Variants in RBMS3 observed in about 807,000 individuals in gnomAD.
The protein encoded by RBMS3 is RNA-binding motif, single-stranded-interacting protein 3.
RBMS3 carries 27 observed loss-of-function variants against 66.8 expected under a neutral mutation model. That is an observed-to-expected ratio of 0.40 (90% CI 0.30 to 0.56). The LOEUF is 0.56. Among genes scored for constraint, RBMS3 ranks in the 20% least tolerant of loss-of-function variants. The pLI is 0.40. For missense variants in RBMS3, 513 were observed against 549.5 expected, an observed-to-expected ratio of 0.93 and a Z score of 0.66; for synonymous variants, 188 against 183.0, an observed-to-expected ratio of 1.03 and a Z score of -0.22.
chr3:29,738,247 A>G (rs1002402081), intron 4 of RBMS3, among the ~76,000 whole-genome samples: 1 of 152,176 alleles, frequency 6.6e-6, no homozygotes, highest in Admixed American at 6.5e-5. Flanking sequence ...ATCTTTTCAC[A>G]AAAGATATTT....
rs557378849 is a variant in RBMS3 at position 29,871,925 on chromosome 3, C to T, written c.744+2961C>T. Among the ~76,000 whole-genome samples, 422 of 152,174 alleles carry T rather than the reference C, an allele frequency of 2.8e-3. 6 individuals are homozygous for T. Among genetic ancestry groups the T allele is most frequent in the African/African-American group, 9.4e-3 (392 of 41,520 alleles). ...CACTTCTTTATGAAAAAATCTAATA[C>T]AGAAAACTTCATACACAGAAATTAG... On this transcript the variant is annotated intron_variant, in intron 7 of 14. Transcript: ENST00000383767.
At chr3:29,435,991 C>G (rs1279058707) in intron 2 of RBMS3, among the ~76,000 whole-genome samples, 1 of 134,592 alleles carries the variant, frequency 7.4e-6, no homozygotes, top group South Asian at 2.4e-4. Flanking sequence ...AAAAAGAAGA[C>G]GAATCGTAGA....
chr3:29,326,468 C>A (rs2125503073), intron 1 of RBMS3, among the ~76,000 whole-genome samples: 1 of 152,306 alleles, frequency 6.6e-6, no homozygotes, highest in African/African-American at 2.4e-5. Flanking sequence ...TGATTCCCAA[C>A]TATCCACAAT....
chr3:29,304,436 G>T (rs747861994), intron 1 of RBMS3, among the ~76,000 whole-genome samples: 1 of 151,902 alleles, frequency 6.6e-6, no homozygotes, highest in Non-Finnish European at 1.5e-5. Flanking sequence ...ACTTTTTAAT[G>T]CTTCCTCTGC....
intron 13 of RBMS3, among the ~76,000 whole-genome samples, chr3:29,988,622 C>T (rs1041512025): frequency 2.0e-5 from 3 of 152,084 alleles, no homozygotes; most frequent in African/African-American, 7.2e-5. Flanking sequence ...CCCTTGAGAG[C>T]TTGTTAGAAA....
intron 6 of RBMS3, among the ~76,000 whole-genome samples, chr3:29,842,702 C>T (rs2058691330): frequency 6.6e-6 from 1 of 152,086 alleles, no homozygotes; most frequent in Non-Finnish European, 1.5e-5. Context: ...GGGAAGATTA[C>T]CCTGATTCTT....
chr3:29,758,473 A>G (rs923618072), intron 5 of RBMS3, among the ~76,000 whole-genome samples: 10 of 152,196 alleles, frequency 6.6e-5, no homozygotes, highest in African/African-American at 2.4e-4. Context: ...CATTAGTCAA[A>G]TATTGTCATC....
chr3:29,793,063 C>A (rs2057065244), intron 6 of RBMS3, among the ~76,000 whole-genome samples: 1 of 151,936 alleles, frequency 6.6e-6, no homozygotes, highest in Non-Finnish European at 1.5e-5. Context: ...TGTGGTGAAA[C>A]CCTGTCTCTA....
chr3:29,904,894 T>C (rs1490395261), intron 10 of RBMS3, among the ~76,000 whole-genome samples: 1 of 152,070 alleles, frequency 6.6e-6, no homozygotes, highest in Non-Finnish European at 1.5e-5. Flanking sequence ...GAGGTACTGA[T>C]CTTTTCTTAT....
In RBMS3 at chr3:29,638,402, A is replaced by G. The variant is rs376985304; in HGVS notation, c.399+51197A>G. Among the ~76,000 whole-genome samples the G allele has an allele frequency of 6.7e-4, 102 of 151,878 alleles. 3 individuals are homozygous for G. The South Asian group carries it at 0.021, about 31-fold the overall frequency. On this transcript the variant is annotated intron_variant, in intron 4 of 14. Coordinates refer to ENST00000383767, the MANE Select transcript of RBMS3 (RefSeq NM_001003793.3). The stretch of plus-strand genomic sequence containing the variant: ...GCTATATAGTTAAAATTATTAATCC[A>G]CCAAGGCTGTAACTCACAACTCTTA...
intron 2 of RBMS3, among the ~76,000 whole-genome samples, chr3:29,436,902 T>C (rs2041424346): frequency 6.6e-6 from 1 of 152,238 alleles, no homozygotes; most frequent in African/African-American, 2.4e-5. Context: ...ACTATTTCTA[T>C]TGTATAAAGT....
intron 6 of RBMS3, among the ~76,000 whole-genome samples, chr3:29,779,176 T>C (rs1443591108): frequency 6.6e-6 from 1 of 151,876 alleles, no homozygotes; most frequent in African/African-American, 2.4e-5. Context: ...TAAGTGGTTC[T>C]TTTGTTTTAA....
intron 1 of RBMS3, among the ~76,000 whole-genome samples, chr3:29,352,366 C>T (rs2036968656): frequency 6.6e-6 from 1 of 151,952 alleles, no homozygotes; most frequent in Non-Finnish European, 1.5e-5. Flanking sequence ...TATTTATTCA[C>T]TAAAATATTT....
chr3:29,647,448 C>G (rs986007414), intron 4 of RBMS3, among the ~76,000 whole-genome samples: 6 of 152,158 alleles, frequency 3.9e-5, no homozygotes, highest in African/African-American at 1.4e-4. Flanking sequence ...TCAAAGTTTT[C>G]CCATGAGACA....
At chr3:29,998,732 G>A (rs1699418017) in intron 14 of RBMS3, among the ~76,000 whole-genome samples, 4 of 152,168 alleles carry the variant, frequency 2.6e-5, no homozygotes, top group South Asian at 2.1e-4. Flanking sequence ...GCTGAAACTG[G>A]ATCCCTTCCT....
intron 4 of RBMS3, among the ~76,000 whole-genome samples, chr3:29,657,167 G>T (rs2050355433): frequency 6.6e-6 from 1 of 152,150 alleles, no homozygotes; most frequent in African/African-American, 2.4e-5. Context: ...CCTGATTTTG[G>T]TCAGCCACAG....
At chr3:29,813,769 T>C (rs1170735995) in intron 6 of RBMS3, among the ~76,000 whole-genome samples, 1 of 152,122 alleles carries the variant, frequency 6.6e-6, no homozygotes, top group Non-Finnish European at 1.5e-5. Flanking sequence ...ACTCATGATT[T>C]GGCTCTCTGT....
intron 6 of RBMS3, among the ~76,000 whole-genome samples, chr3:29,846,190 A>G (rs2058771200): frequency 1.3e-5 from 2 of 152,174 alleles, no homozygotes; most frequent in South Asian, 4.1e-4. Context: ...AATGATCTTT[A>G]TAAAGAATGG....
At chr3:29,937,307 CTG>C (rs2061291659) in intron 11 of RBMS3, among the ~76,000 whole-genome samples, 1 of 152,008 alleles carries the variant, frequency 6.6e-6, no homozygotes, top group African/African-American at 2.4e-5. Flanking sequence ...GTTACCACCT[CTG>C]TGATTCTTCA....
Sources: gnomAD v4.1 joint callset for allele counts (sites outside exome capture counted in the v4.1 genomes callset) on GRCh38, gnomAD v4.1.1 for gene constraint, MANE v1.5 for transcripts, NCBI Gene and HGNC (gene_info 2026-07-23, HGNC 2026-07-21) for gene names.